The following HCLS1 variants were observed in gnomAD, a reference collection of about 807,000 sequenced individuals.
HCLS1 encodes the protein hematopoietic cell-specific Lyn substrate 1, also known as hematopoietic lineage cell-specific protein.
Under a neutral mutation model 68.6 loss-of-function variants are expected in HCLS1, and 44 were observed. That is an observed-to-expected ratio of 0.64 (90% confidence interval 0.50 to 0.82). The LOEUF is 0.82. Among genes scored for constraint, HCLS1 ranks in the 40% least tolerant of loss-of-function variants. The pLI is 0.00. For synonymous variants in HCLS1, 217 were observed against 225.8 expected (o/e 0.96, Z 0.35); for missense variants, 602 against 612.1 (o/e 0.98, Z 0.17).
At chr3:121,637,829 G>T (rs971522518) in intron 6 of HCLS1, among the ~76,000 whole-genome samples, 19 of 152,072 alleles carry the variant, frequency 1.2e-4, no homozygotes, top group Non-Finnish European at 1.8e-4. Flanking sequence ...CCAGCTACTG[G>T]GGAGGCTGAG....
chr3:121,659,282 T>G (rs189212082), intron 1 of HCLS1, among the ~76,000 whole-genome samples: 2 of 152,026 alleles, frequency 1.3e-5, no homozygotes, highest in African/African-American at 4.8e-5. Context: ...GCACAGTTGC[T>G]CTGCATCTGT....
chr3:121,659,395 C>T (rs1432669797), intron 1 of HCLS1, among the ~76,000 whole-genome samples: 1 of 152,186 alleles, frequency 6.6e-6, no homozygotes, highest in Non-Finnish European at 1.5e-5. Flanking sequence ...ATCCTTCCCT[C>T]CTCAGACACC....
At position 121,633,055 on chromosome 3, in the gene HCLS1, G is replaced by A. The variant is rs1304209479; in HGVS notation, c.1008+12C>T. On this transcript the variant is annotated intron_variant, in intron 11 of 13. Transcript: ENST00000314583. ...TGGGGTGGGGGCAGAGAATCTTTGG[G>A]GGTTTGCTTACCTCCGGGAGAGTCT... 1.3e-6 allele frequency: 2 copies of A among 1,564,698 alleles called. No homozygotes were observed. The highest frequency in any genetic ancestry group is 2.2e-5 in the South Asian group (2 of 89,634).
intron 3 of HCLS1, 97 bp from the exon 4 acceptor site, chr3:121,647,545 C>A: frequency 5.4e-6 from 7 of 1,306,606 alleles, no homozygotes; most frequent in Non-Finnish European, 7.5e-6. Flanking sequence ...GTCCTGTTTA[C>A]TTTCAGTAAT....
In HCLS1 at chr3:121,648,166, G is replaced by T. The variant is rs145763698; in HGVS notation, c.159-718C>A. Among the ~76,000 whole-genome samples, 14 of 152,246 alleles carry T rather than the reference G, an allele frequency of 9.2e-5. 1 individual carries two copies. Among genetic ancestry groups the T allele is most frequent in the South Asian group, 4.1e-4 (2 of 4,826 alleles). ...ATCTTCTGCCCCTTCCCCCCAGGCT[G>T]ATAATACCTGAGAAAACTAAGGACT... On this transcript the variant is annotated intron_variant, in intron 3 of 13. Coordinates refer to ENST00000314583, the MANE Select transcript of HCLS1 (RefSeq NM_005335.6).
intron 3 of HCLS1, chr3:121,655,943 G>A (rs562759263): frequency 1.3e-5 from 2 of 151,742 alleles, no homozygotes; most frequent in East Asian, 3.9e-4. Context: ...GTGCCTCCTG[G>A]GTTCAAGAGA....
chr3:121,651,501 A>G (rs1937748029), intron 3 of HCLS1, among the ~76,000 whole-genome samples: 1 of 152,190 alleles, frequency 6.6e-6, no homozygotes, highest in South Asian at 2.1e-4. Context: ...CAGTGGGGCA[A>G]ACATGGCTCA....
intron 3 of HCLS1, among the ~76,000 whole-genome samples, chr3:121,648,195 G>A (rs777666687): frequency 6.6e-6 from 1 of 152,078 alleles, no homozygotes; most frequent in Non-Finnish European, 1.5e-5. Context: ...AAGGACTAAT[G>A]AAAACTAACT....
In HCLS1 at chr3:121,631,975, A is replaced by G; in HGVS notation, c.1332T>C (p.Ser444=). Residue 444 remains serine, a synonymous_variant, in exon 14 of 14, where the codon AGT becomes AGC. Transcript: ENST00000314583. ...CGTCCGGATCAAAGGAAAGCTCATC[A>G]CTTCCCTCTGGGGAGAAAGTTGAGG... ...VAVYDYQGEG[S]DELSFDPDDV... 1 of 1,614,082 alleles carries G rather than the reference A, an allele frequency of 6.2e-7. No homozygotes were observed. Among genetic ancestry groups the G allele is most frequent in the South Asian group, 1.1e-5 (1 of 91,062 alleles).
chr3:121,643,043 C>G, intron 5 of HCLS1, 62 bp from the exon 6 acceptor site: 1 of 1,347,804 alleles, frequency 7.4e-7, no homozygotes, highest in Non-Finnish European at 1.1e-6. Context: ...CTCTTCCTAA[C>G]CTCCCCTTAC....
intron 6 of HCLS1, among the ~76,000 whole-genome samples, chr3:121,640,395 A>C (rs2049185808): frequency 6.6e-6 from 1 of 152,224 alleles, no homozygotes; most frequent in East Asian, 1.9e-4. Flanking sequence ...CACTAAAATA[A>C]GTTTATAAAC....
chr3:121,651,417 TTTG>T (rs888847110), intron 3 of HCLS1, among the ~76,000 whole-genome samples: 6 of 152,110 alleles, frequency 3.9e-5, no homozygotes, highest in East Asian at 1.9e-4. Context: ...TTAAGTTGGT[TTTG>T]TTGTTGTTGT....
rs192154116 is a variant in HCLS1, at chr3:121,647,468, C to A, written c.159-20G>T. ...TGGATGCTGGAAGAAACCACATGAC[C>A]AAGGCTCATCTATCCTAGGGAGATC... On this transcript the variant is annotated intron_variant, in intron 3 of 13. Coordinates refer to ENST00000314583, the MANE Select transcript of HCLS1 (RefSeq NM_005335.6). The A allele has an allele frequency of 1.2e-4, 193 of 1,613,592 alleles. 1 individual carries two copies. The African/African-American group carries it at 2.2e-3, about 18-fold the overall frequency.
chr3:121,647,521 A>C, intron 3 of HCLS1, 73 bp from the exon 4 acceptor site: 2 of 1,534,788 alleles, frequency 1.3e-6, no homozygotes, highest in Non-Finnish European at 1.8e-6. Context: ...AGAAAAATGG[A>C]AGCCTTGAAG....
In HCLS1 at chr3:121,633,176, G is replaced by A; in HGVS notation, c.904-5C>T. ...AGTCCCAACTGGAGGCCAGGCCTGT[G>A]GAAAATGAAGCATCTCTCAAGTAAG... On this transcript the variant is annotated splice_polypyrimidine_tract_variant and splice_region_variant and intron_variant, in intron 10 of 13. Transcript: ENST00000314583. 6.3e-7 allele frequency: 1 copy of A among 1,576,404 alleles called. No homozygotes were observed. Among genetic ancestry groups the A allele is most frequent in the African/African-American group, 1.4e-5 (1 of 73,828 alleles).
At chr3:121,658,167 G>T (rs1161296287) in intron 2 of HCLS1, 97 bp downstream of exon 2, 7 of 883,242 alleles carry the variant, frequency 7.9e-6, no homozygotes, top group Non-Finnish European at 1.3e-5. Context: ...GTCCTAGAAG[G>T]CCCTTTTCCA....
intron 3 of HCLS1, chr3:121,655,460 C>CTTTT (rs1491482658): frequency 1.5e-5 from 1 of 65,872 alleles, no homozygotes. Context: ...GGGTTGCTTG[C>CTTTT]TCTTTTTTTT....
At chr3:121,636,643 G>A (rs758685533) in intron 7 of HCLS1, among the ~76,000 whole-genome samples, 154 bp from the exon 8 acceptor site, 2 of 152,132 alleles carry the variant, frequency 1.3e-5, no homozygotes, top group African/African-American at 2.4e-5. Context: ...GGGAAGAGAG[G>A]GAAACAGATG....
At chr3:121,634,823 G>GA (rs2049133662) in intron 9 of HCLS1, among the ~76,000 whole-genome samples, 1 of 152,066 alleles carries the variant, frequency 6.6e-6, no homozygotes, top group African/African-American at 2.4e-5. Context: ...GTAGAGAGGG[G>GA]ATCTTGCTGT....
Sources: gnomAD v4.1 joint callset for allele counts (sites outside exome capture counted in the v4.1 genomes callset) on GRCh38, gnomAD v4.1.1 for gene constraint, MANE v1.5 for transcripts, NCBI Gene and HGNC (gene_info 2026-07-23, HGNC 2026-07-21) for gene names.